The following DPYD variants were observed in gnomAD, a reference collection of about 807,000 sequenced individuals.
DPYD encodes the protein dihydropyrimidine dehydrogenase.
DPYD carries 109 observed loss-of-function variants against 116.2 expected under a neutral mutation model. The ratio of observed to expected loss-of-function variants is 0.94; its 90% CI spans 0.80 to 1.10. The LOEUF is 1.10. DPYD is among the 50% of genes least tolerant of loss of function. The pLI, the probability that DPYD is intolerant of heterozygous loss-of-function variation, is 0.00. For synonymous variants in DPYD, 440 were observed against 432.0 expected, an observed-to-expected ratio of 1.02 and a Z score of -0.23; for missense variants, 1,302 against 1,254.5, an observed-to-expected ratio of 1.04 and a Z score of -0.57.
At chr1:97,719,326 C>T (rs1162050687) in intron 5 of DPYD, among the ~76,000 whole-genome samples, 15 of 151,846 alleles carry the variant, frequency 9.9e-5, no homozygotes, top group Admixed American at 7.9e-4. Flanking sequence ...TGGCAGACTA[C>T]TGAGTTGGTA....
intron 18 of DPYD, among the ~76,000 whole-genome samples, chr1:97,275,746 A>G (rs1015437938): frequency 6.6e-6 from 1 of 152,156 alleles, no homozygotes; most frequent in African/African-American, 2.4e-5. Flanking sequence ...AGATTAATTT[A>G]TCTCAATCCT....
rs1659419853 is a variant in DPYD at position 97,203,858 on chromosome 1, A to C, written c.2443-10610T>G. ...CAATGAGAAACATTTGTTAACATGA[A>C]AATAACATCTCAAATAGTCCTGACT... On this transcript the variant is annotated intron_variant, in intron 19 of 22. Transcript: ENST00000370192. Among the ~76,000 whole-genome samples, 4 of 151,622 alleles carry C rather than the reference A, an allele frequency of 2.6e-5. No individual in the cohort carries two copies. The South Asian group carries it at 8.3e-4, about 32-fold the overall frequency.
At chr1:97,828,390 C>T (rs1669353738) in intron 2 of DPYD, among the ~76,000 whole-genome samples, 194 bp from the exon 3 acceptor site, 1 of 152,096 alleles carries the variant, frequency 6.6e-6, no homozygotes, top group African/African-American at 2.4e-5. Flanking sequence ...TTTTATGATA[C>T]AGCTGTCACA....
In DPYD at chr1:97,164,053, A is replaced by T. The variant is rs540644603; in HGVS notation, c.2622+29016T>A. 1.6e-4 allele frequency among the ~76,000 whole-genome samples: 25 copies of T among 152,306 alleles called. No homozygotes were observed. In the South Asian group the frequency reaches 5.2e-3, roughly 32 times the overall value. The stretch of plus-strand genomic sequence containing the variant: ...CAAAATACTGGCAAACCAAATTCAG[A>T]AGTGCATCAAGAAGTTAATTCACCA... On this transcript the variant is annotated intron_variant, in intron 20 of 22. Transcript: ENST00000370192.
intron 20 of DPYD, among the ~76,000 whole-genome samples, chr1:97,177,225 G>A (rs934066073): frequency 6.6e-5 from 10 of 152,038 alleles, no homozygotes; most frequent in Admixed American, 3.9e-4. Context: ...AGGTACGAAC[G>A]GTTGTTTCCT....
chr1:97,378,694 C>A (rs1392983798), intron 15 of DPYD, among the ~76,000 whole-genome samples: 1 of 152,140 alleles, frequency 6.6e-6, no homozygotes, highest in Non-Finnish European at 1.5e-5. Flanking sequence ...CTGTATACTT[C>A]TTTTTTACTT....
At chr1:97,406,624 G>A (rs1042921939) in intron 14 of DPYD, among the ~76,000 whole-genome samples, 2 of 141,952 alleles carry the variant, frequency 1.4e-5, no homozygotes, top group African/African-American at 2.6e-5. Context: ...CAATAGGAAC[G>A]CTTTTACACT....
intron 18 of DPYD, among the ~76,000 whole-genome samples, chr1:97,282,754 T>C (rs1298378243): frequency 1.3e-5 from 2 of 152,148 alleles, no homozygotes; most frequent in Non-Finnish European, 2.9e-5. Context: ...CAGTGTCTAT[T>C]GCTCCCTTCT....
At chr1:97,559,498 T>C (rs1250886239) in intron 11 of DPYD, among the ~76,000 whole-genome samples, 1 of 152,178 alleles carries the variant, frequency 6.6e-6, no homozygotes, top group Non-Finnish European at 1.5e-5. Context: ...CTTATTTAAA[T>C]AGCAGAAATG....
chr1:97,186,841 G>C (rs1485681330), intron 20 of DPYD, among the ~76,000 whole-genome samples: 1 of 151,932 alleles, frequency 6.6e-6, no homozygotes, highest in Non-Finnish European at 1.5e-5. Context: ...GAGCAAGACT[G>C]TGTCTCAAAT....
At position 97,098,522 on chromosome 1, in the gene DPYD, A is replaced by G; in HGVS notation, c.2733T>C (p.Cys911=). ...NVAFSPLKRN[C]FIPKRPIPTI... ...TAGGAATAGGCCTTTTGGGGATAAA[A>G]CAGTTTCTCTTAAGTGGTGAAAAAG... Residue 911 remains cysteine, a synonymous_variant, in exon 21 of 23, where the codon TGT becomes TGC. Coordinates refer to ENST00000370192, the MANE Select transcript of DPYD (RefSeq NM_000110.4). 1 of 1,613,096 alleles carries G rather than the reference A, an allele frequency of 6.2e-7. No homozygotes were observed. The highest frequency in any genetic ancestry group is 8.5e-7 in the Non-Finnish European group (1 of 1,179,406).
Position 97,077,851 on chromosome 1 carries a change from T to C in DPYD, c.*1125A>G, listed in dbSNP as rs553255417. The C allele has an allele frequency of 6.6e-6, 1 of 152,288 alleles. No homozygotes were observed. The highest frequency in any genetic ancestry group is 2.4e-5 in the African/African-American group (1 of 41,574). 9.4% of individuals were successfully genotyped at this position (152,288 alleles called of 1,614,324 possible). The stretch of plus-strand genomic sequence containing the variant: ...TGAAACATTTTATTTTTCTAGCTCT[T>C]GAATTTGTCATAGAAATAAGCCATA... On this transcript the variant is annotated 3_prime_UTR_variant, in exon 23 of 23. Transcript: ENST00000370192.
At chr1:97,267,142 A>C (rs890237921) in intron 18 of DPYD, among the ~76,000 whole-genome samples, 3 of 152,170 alleles carry the variant, frequency 2.0e-5, no homozygotes, top group African/African-American at 7.2e-5. Context: ...TTACACTCCC[A>C]CCAACAGTGT....
intron 3 of DPYD, among the ~76,000 whole-genome samples, chr1:97,808,202 A>G (rs538570918): frequency 1.3e-5 from 2 of 152,156 alleles, no homozygotes; most frequent in Admixed American, 1.3e-4. Context: ...ACAATTTGGA[A>G]AGAACCAACA....
At chr1:97,098,678 G>C (rs1650443457) in intron 20 of DPYD, 46 bp from the exon 21 acceptor site, 1 of 1,602,512 alleles carries the variant, frequency 6.2e-7, no homozygotes, top group African/African-American at 1.3e-5. Context: ...GCTCAGAGAA[G>C]AGAAAAATGG....
At chr1:97,237,326 T>C (rs1187603649) in intron 18 of DPYD, among the ~76,000 whole-genome samples, 2 of 151,828 alleles carry the variant, frequency 1.3e-5, no homozygotes, top group South Asian at 2.1e-4. Flanking sequence ...AATTGAACGT[T>C]TGCATGACTA....
At chr1:97,833,719 CAGA>C (rs1193115749) in intron 2 of DPYD, among the ~76,000 whole-genome samples, 2 of 151,988 alleles carry the variant, frequency 1.3e-5, no homozygotes, top group East Asian at 3.9e-4. Context: ...AAAGAATAAA[CAGA>C]AGAAGAGTAT....
At chr1:97,550,555 AG>A (rs1651243157) in intron 11 of DPYD, among the ~76,000 whole-genome samples, 1 of 152,184 alleles carries the variant, frequency 6.6e-6, no homozygotes, top group Non-Finnish European at 1.5e-5. Context: ...GAAAGGGTTG[AG>A]TAAGAGAAGA....
intron 19 of DPYD, among the ~76,000 whole-genome samples, chr1:97,195,164 TA>T (rs1416809758): frequency 5.3e-5 from 8 of 152,240 alleles, no homozygotes; most frequent in Non-Finnish European, 8.8e-5. Flanking sequence ...TCCCAATTTA[TA>T]TTTCAACTTC....
Sources: gnomAD v4.1 joint callset for allele counts (sites outside exome capture counted in the v4.1 genomes callset) on GRCh38, gnomAD v4.1.1 for gene constraint, MANE v1.5 for transcripts, NCBI Gene and HGNC (gene_info 2026-07-23, HGNC 2026-07-21) for gene names.